The following PLET1 variants were observed in gnomAD, a reference collection of about 807,000 sequenced individuals.
The protein encoded by PLET1 is placenta-expressed transcript 1 protein.
A neutral mutation model predicts 18.5 loss-of-function variants in PLET1; 20 were observed. That is an observed-to-expected ratio of 1.08 (90% CI 0.76 to 1.57). PLET1 has a LOEUF of 1.57. PLET1 is among the 40% of genes most tolerant of loss of function. The pLI, the probability that PLET1 is intolerant of heterozygous loss-of-function variation, is 0.00. For missense variants in PLET1, 256 were observed against 246.4 expected, an observed-to-expected ratio of 1.04 and a Z score of -0.26; for synonymous variants, 93 against 93.8, an observed-to-expected ratio of 0.99 and a Z score of 0.05.
chr11:112,255,233 G>A (rs1250429089), intron 2 of PLET1, among the ~76,000 whole-genome samples, 155 bp downstream of exon 2: 1 of 151,270 alleles, frequency 6.6e-6, no homozygotes, highest in African/African-American at 2.4e-5. Context: ...AGATGGAAGG[G>A]ATGGTAGAGC....
At chr11:112,252,220 G>T in intron 3 of PLET1, 128 bp downstream of exon 3, 2 of 825,548 alleles carry the variant, frequency 2.4e-6, no homozygotes, top group South Asian at 1.5e-5. Context: ...GGTGCAGGGA[G>T]ACTCAACTGA....
At chr11:112,256,768 C>A (rs1211918313) in intron 1 of PLET1, among the ~76,000 whole-genome samples, 1 of 152,160 alleles carries the variant, frequency 6.6e-6, no homozygotes, top group Non-Finnish European at 1.5e-5. Flanking sequence ...CTCGACTTGC[C>A]CAGTGAGCAC....
intron 2 of PLET1, among the ~76,000 whole-genome samples, 200 bp downstream of exon 2, chr11:112,255,188 T>C (rs1311484798): frequency 1.3e-5 from 2 of 151,246 alleles, no homozygotes; most frequent in African/African-American, 4.9e-5. Context: ...TGGTATGTGG[T>C]GTGTGTGTGA....
rs968400268 is a variant in PLET1 at position 112,248,239 on chromosome 11, T to C, written c.*560A>G. ...CATAGTTTTTTTCTATATTGGCTTC[T>C]CAGACATGGTTCGTTCCTGTTCTCT... On this transcript the variant is annotated 3_prime_UTR_variant, in exon 4 of 4. Transcript: ENST00000338832. 1.8e-4 allele frequency among the ~76,000 whole-genome samples: 27 copies of C among 152,348 alleles called. No homozygotes were observed. Among genetic ancestry groups the C allele is most frequent in the Middle Eastern group, 3.4e-3 (1 of 294 alleles).
intron 3 of PLET1, 118 bp downstream of exon 3, chr11:112,252,230 A>G: frequency 1.1e-6 from 1 of 886,718 alleles, no homozygotes; most frequent in Non-Finnish European, 1.8e-6. Context: ...GACTCAACTG[A>G]TAGATAGCTG....
intron 2 of PLET1, among the ~76,000 whole-genome samples, chr11:112,254,217 GTGA>G (rs1566828486): frequency 3.5e-4 from 52 of 148,514 alleles, no homozygotes; most frequent in South Asian, 8.6e-4. Context: ...GTGTGTGTGT[GTGA>G]AAAGGGGGTA....
rs1378705228 is a variant in PLET1, at chr11:112,248,278, C to T, written c.*521G>A. Among the ~76,000 whole-genome samples the T allele has an allele frequency of 6.6e-6, 1 of 152,184 alleles. No individual in the cohort carries two copies. Among genetic ancestry groups the T allele is most frequent in the Non-Finnish European group, 1.5e-5 (1 of 68,038 alleles). ...TTCCTGTTCTCTTGCCCTTCAAAAT[C>T]TACTGGTGTGGACAAATGGGAAGCT... On this transcript the variant is annotated 3_prime_UTR_variant, in exon 4 of 4. Coordinates refer to ENST00000338832, the MANE Select transcript of PLET1 (RefSeq NM_001145024.1).
chr11:112,249,577 C>T (rs549924905), intron 3 of PLET1, among the ~76,000 whole-genome samples: 42 of 152,248 alleles, frequency 2.8e-4, no homozygotes, highest in Non-Finnish European at 5.6e-4. Flanking sequence ...GCACAGAAAG[C>T]TAGGCCCATA....
chr11:112,254,595 G>A (rs1860194220), intron 2 of PLET1, among the ~76,000 whole-genome samples: 1 of 139,020 alleles, frequency 7.2e-6, no homozygotes, highest in Non-Finnish European at 1.5e-5. Flanking sequence ...TGGCATGAGT[G>A]CGTATGGCAT....
In PLET1 at chr11:112,249,018, T is replaced by C. The variant is rs1360661807; in HGVS notation, c.449-44A>G. The C allele has an allele frequency of 5.9e-6, 9 of 1,530,146 alleles. No individual in the cohort carries two copies. The African/African-American group carries it at 1.2e-4, about 21-fold the overall frequency. 94.8% of individuals were successfully genotyped at this position (1,530,146 alleles called of 1,614,324 possible). ...GTGCGGTTGGCACTGGAAAATGGCA[T>C]CGGAACCTCCGTTGGGTGGTGGGTG... is the stretch of plus-strand genomic sequence containing the variant. On this transcript the variant is annotated intron_variant, in intron 3 of 3. Transcript: ENST00000338832.
Position 112,248,896 on chromosome 11 carries a change from A to C in PLET1, c.527T>G (p.Ile176Ser), listed in dbSNP as rs1014695735. 1.2e-5 allele frequency: 19 copies of C among 1,551,362 alleles called. No homozygotes were observed. The highest frequency in any genetic ancestry group is 1.6e-5 in the Non-Finnish European group (18 of 1,146,966). The change falls in exon 4 of 4, where the codon ATC (isoleucine) becomes AGC (serine). Residue 176 changes from isoleucine (I) to serine (S), a missense_variant. Transcript: ENST00000338832. The stretch of plus-strand genomic sequence containing the variant: ...TTGGTTGGCCAAGCCTTCGAGTCTG[A>C]TACTCTTGGGTGTAATCATGAAGAA... ...KPFFMITPKS[I>S]RLEGLANQVF...
At chr11:112,250,738 CT>C (rs1860147444) in intron 3 of PLET1, among the ~76,000 whole-genome samples, 1 of 152,140 alleles carries the variant, frequency 6.6e-6, no homozygotes, top group Non-Finnish European at 1.5e-5. Context: ...TGCCACTCAC[CT>C]TGAATTCCTT....
At chr11:112,250,016 G>A (rs142803321) in intron 3 of PLET1, among the ~76,000 whole-genome samples, 2 of 147,644 alleles carry the variant, frequency 1.4e-5, no homozygotes, top group East Asian at 2.0e-4. Context: ...TCCAGGAGTC[G>A]ACTCAGGCCT....
Position 112,248,764 on chromosome 11 carries a change from G to A in PLET1, c.*35C>T. On this transcript the variant is annotated 3_prime_UTR_variant, in exon 4 of 4. Coordinates refer to ENST00000338832, the MANE Select transcript of PLET1 (RefSeq NM_001145024.1). Reference sequence around the variant, plus strand: ...TTGGAACTGAATGTAGGAGGATGCAGTGGAGGCAGAAACAATTGTTTCCCT... The same window carrying A: ...TTGGAACTGAATGTAGGAGGATGCAATGGAGGCAGAAACAATTGTTTCCCT... 2 of 1,544,212 alleles carry A rather than the reference G, an allele frequency of 1.3e-6. No homozygotes were observed. The highest frequency in any genetic ancestry group is 2.7e-5 in the African/African-American group (2 of 72,970).
intron 2 of PLET1, 117 bp from the exon 3 acceptor site, chr11:112,252,526 G>T: frequency 2.4e-6 from 2 of 842,156 alleles, no homozygotes; most frequent in South Asian, 1.6e-5. Context: ...CTTTCTGTAT[G>T]GCACAATGAG....
chr11:112,258,874 A>T (rs970067565), intron 1 of PLET1, among the ~76,000 whole-genome samples: 1 of 152,228 alleles, frequency 6.6e-6, no homozygotes, highest in African/African-American at 2.4e-5. Context: ...AAGCAAGGTG[A>T]GCGCGTGAAG....
At chr11:112,260,054 A>G (rs1429910116) in intron 1 of PLET1, among the ~76,000 whole-genome samples, 3 of 152,114 alleles carry the variant, frequency 2.0e-5, no homozygotes, top group African/African-American at 7.2e-5. Flanking sequence ...AACAAAAACA[A>G]AAAGAGAAAA....
At chr11:112,257,492 C>T (rs1860235669) in intron 1 of PLET1, among the ~76,000 whole-genome samples, 1 of 151,990 alleles carries the variant, frequency 6.6e-6, no homozygotes, top group Non-Finnish European at 1.5e-5. Flanking sequence ...CTGGGGGGTC[C>T]TAAGTAACTA....
intron 2 of PLET1, 82 bp from the exon 3 acceptor site, chr11:112,252,491 C>T (rs764523798): frequency 2.6e-5 from 32 of 1,223,586 alleles, no homozygotes; most frequent in African/African-American, 6.0e-5. Flanking sequence ...CGGACTTCCC[C>T]GCCGCTTAAT....
Sources: gnomAD v4.1 joint callset for allele counts (sites outside exome capture counted in the v4.1 genomes callset) on GRCh38, gnomAD v4.1.1 for gene constraint, MANE v1.5 for transcripts, NCBI Gene and HGNC (gene_info 2026-07-23, HGNC 2026-07-21) for gene names.